ITGAV: variants seen among roughly 807,000 people sequenced by gnomAD.
ITGAV encodes integrin subunit alpha V.
In ITGAV, 76 loss-of-function variants were observed where a neutral mutation model predicts 143.8. The observed-to-expected ratio is 0.53, with a 90% CI of 0.44 to 0.64. ITGAV has a LOEUF of 0.64. ITGAV is among the 30% of genes least tolerant of loss of function. ITGAV has a pLI of 0.00. For synonymous variants in ITGAV, 453 were observed against 446.7 expected (o/e 1.01, Z -0.18); for missense variants, 1,193 against 1,274.7 (o/e 0.94, Z 0.98).
At chr2:186,650,709 T>G (rs965131111) in intron 14 of ITGAV, among the ~76,000 whole-genome samples, 3 of 151,578 alleles carry the variant, frequency 2.0e-5, no homozygotes, top group Non-Finnish European at 4.4e-5. Flanking sequence ...CTACCACACC[T>G]GGCTAATTTT....
chr2:186,624,287 T>A (rs1263477003), intron 3 of ITGAV, among the ~76,000 whole-genome samples: 1 of 152,164 alleles, frequency 6.6e-6, no homozygotes, highest in Admixed American at 6.5e-5. Context: ...ATTATTTACG[T>A]AGTATTTATT....
chr2:186,591,405 A>AG (rs1458096750), intron 1 of ITGAV, among the ~76,000 whole-genome samples: 2 of 152,064 alleles, frequency 1.3e-5, no homozygotes, highest in African/African-American at 4.8e-5. Flanking sequence ...TGTTAGCGTT[A>AG]GGAGTACTGT....
chr2:186,666,708 T>C lies in ITGAV; in HGVS notation c.2171T>C (p.Leu724Ser), dbSNP rs779174100. The C allele has an allele frequency of 6.4e-7, 1 of 1,565,968 alleles. No homozygotes were observed. Among genetic ancestry groups the C allele is most frequent in the South Asian group, 1.2e-5 (1 of 81,686 alleles). Residue 724 changes from leucine to serine, a missense_variant, in exon 22 of 30, where the codon TTA (leucine) becomes TCA (serine). Physicochemically the swap from Leu to Ser is moderately radical, Grantham distance 145. Coordinates refer to ENST00000261023, the MANE Select transcript of ITGAV (RefSeq NM_002210.5). ...ATCTTTTCCTCTCTCCTTTAGCTCT[T>C]AGCTGGTCTTCGTTTCAGTGTGCAC... ...GNPMKAGTQLLAGLRFSVHQQ... is the reference protein window; with the variant it reads ...GNPMKAGTQLSAGLRFSVHQQ...
chr2:186,647,689 A>G (rs1376621621), intron 13 of ITGAV, among the ~76,000 whole-genome samples: 1 of 152,236 alleles, frequency 6.6e-6, no homozygotes, highest in African/African-American at 2.4e-5. Context: ...TGCCCACTGC[A>G]TAGGTCCAGT....
chr2:186,630,089 G>A (rs1687775658), intron 4 of ITGAV, among the ~76,000 whole-genome samples: 1 of 151,944 alleles, frequency 6.6e-6, no homozygotes, highest in Non-Finnish European at 1.5e-5. Context: ...AACGTGGGAG[G>A]ATAGCTTTAT....
chr2:186,646,438 G>C (rs1318556589), intron 12 of ITGAV, among the ~76,000 whole-genome samples: 2 of 152,102 alleles, frequency 1.3e-5, no homozygotes, highest in African/African-American at 4.8e-5. Flanking sequence ...AGTTTTGCTT[G>C]AGTTTCCTTG....
intron 11 of ITGAV, 91 bp downstream of exon 11, chr2:186,641,058 T>C (rs1688089518): frequency 1.0e-6 from 1 of 1,003,428 alleles, no homozygotes; most frequent in Admixed American, 2.3e-5. Context: ...TCTGTTTTTG[T>C]ATTCCTTTTC....
chr2:186,628,826 A>C (rs985339541), intron 4 of ITGAV, among the ~76,000 whole-genome samples: 1 of 152,090 alleles, frequency 6.6e-6, no homozygotes, highest in Non-Finnish European at 1.5e-5. Flanking sequence ...GTCATTACTC[A>C]GGGAATGATA....
chr2:186,595,130 G>A (rs1052383812), intron 1 of ITGAV, among the ~76,000 whole-genome samples: 1 of 152,192 alleles, frequency 6.6e-6, no homozygotes, highest in African/African-American at 2.4e-5. Flanking sequence ...ATAACATTCA[G>A]TACTATTTCA....
At chr2:186,670,521 A>G (rs1689036589) in intron 26 of ITGAV, among the ~76,000 whole-genome samples, 1 of 152,014 alleles carries the variant, frequency 6.6e-6, no homozygotes, top group African/African-American at 2.4e-5. Flanking sequence ...GGCTGGTCTC[A>G]AATTCCTGAG....
At position 186,590,305 on chromosome 2, in the gene ITGAV, G is replaced by C; in HGVS notation, c.-34G>C. ...GCTGGGGCGGGGGGAGGTGGCTACC[G>C]CTCCCGGCTTGGCGTCCCGCGCGCA... On this transcript the variant is annotated 5_prime_UTR_variant, in exon 1 of 30. Coordinates refer to ENST00000261023, the MANE Select transcript of ITGAV (RefSeq NM_002210.5). 6.6e-7 allele frequency: 1 copy of C among 1,511,994 alleles called. No homozygotes were observed. Among genetic ancestry groups the C allele is most frequent in the Non-Finnish European group, 8.8e-7 (1 of 1,132,598 alleles). 93.7% of individuals were successfully genotyped at this position (1,511,994 alleles called of 1,614,324 possible).
At position 186,679,234 on chromosome 2, in the gene ITGAV, A is replaced by G. The variant is rs1689291133; in HGVS notation, c.*1942A>G. ...AGTCATTTCTGAAAATATGTTGGATAGAAAGTCACTCTTTGGCAAAAGTGT... is the reference window on the plus strand; with the variant it reads ...AGTCATTTCTGAAAATATGTTGGATGGAAAGTCACTCTTTGGCAAAAGTGT... On this transcript the variant is annotated 3_prime_UTR_variant, in exon 30 of 30. Transcript: ENST00000261023. The G allele has an allele frequency of 6.6e-6, 1 of 152,064 alleles. No homozygotes were observed. Among genetic ancestry groups the G allele is most frequent in the Non-Finnish European group, 1.5e-5 (1 of 67,922 alleles). The allele number at this position is 152,064 out of a possible 1,614,324, so 9.4% of individuals were successfully genotyped here. A position where few individuals can be genotyped will look rare whatever the true frequency, so the allele number is the denominator to read the frequency against.
At chr2:186,647,531 C>T (rs1046337946) in intron 13 of ITGAV, among the ~76,000 whole-genome samples, 5 of 152,134 alleles carry the variant, frequency 3.3e-5, no homozygotes, top group East Asian at 1.9e-4. Flanking sequence ...CCACCGCACC[C>T]GGCCTTCATT....
In ITGAV at chr2:186,667,184, T is replaced by C; in HGVS notation, c.2281T>C (p.Ser761Pro). 1 of 1,612,738 alleles carries C rather than the reference T, an allele frequency of 6.2e-7. No individual in the cohort carries two copies. Among genetic ancestry groups the C allele is most frequent in the Non-Finnish European group, 8.5e-7 (1 of 1,179,130 alleles). Residue 761 changes from serine to proline, a missense_variant, in exon 23 of 30, where the codon TCT (serine) becomes CCT (proline). Ser to Pro is a moderately conservative substitution (Grantham distance 74, BLOSUM62 -1). Coordinates refer to ENST00000261023, the MANE Select transcript of ITGAV (RefSeq NM_002210.5). ...ATTTGACAAAGTAAGCCCAGTTGTA[T>C]CTCACAAAGTTGATCTTGCTGTTTT... ...NLFDKVSPVVSHKVDLAVLAA... is the reference protein window; with the variant it reads ...NLFDKVSPVVPHKVDLAVLAA...
chr2:186,677,315 C>T lies in ITGAV; in HGVS notation c.*23C>T, dbSNP rs1689242823. 1.3e-6 allele frequency: 2 copies of T among 1,535,864 alleles called. No homozygotes were observed. On this transcript the variant is annotated 3_prime_UTR_variant, in exon 30 of 30. Coordinates refer to ENST00000261023, the MANE Select transcript of ITGAV (RefSeq NM_002210.5). ...TAACTGCAGTTTTTAAGTTATGCTACATCTTGACCCACTAGAATTAGCAAC... is the reference window on the plus strand; with the variant it reads ...TAACTGCAGTTTTTAAGTTATGCTATATCTTGACCCACTAGAATTAGCAAC...
intron 10 of ITGAV, among the ~76,000 whole-genome samples, chr2:186,639,968 AAC>A (rs774487091): frequency 3.3e-4 from 51 of 152,324 alleles, no homozygotes; most frequent in Non-Finnish European, 6.0e-4. Context: ...TTTAATACAG[AAC>A]ACACCTTTCA....
chr2:186,646,240 A>AC (rs1028593353), intron 12 of ITGAV, among the ~76,000 whole-genome samples: 8 of 152,166 alleles, frequency 5.3e-5, no homozygotes, highest in African/African-American at 1.9e-4. Context: ...AAAAAACAAT[A>AC]CCATCCATAA....
intron 1 of ITGAV, among the ~76,000 whole-genome samples, chr2:186,596,452 C>CTT (rs368936394): frequency 1.2e-4 from 16 of 136,374 alleles, no homozygotes; most frequent in Non-Finnish European, 2.2e-4. Context: ...GTATGTGTTG[C>CTT]TTTTTTTTTT....
At chr2:186,598,354 T>C (rs918280141) in intron 1 of ITGAV, among the ~76,000 whole-genome samples, 1 of 150,802 alleles carries the variant, frequency 6.6e-6, no homozygotes, top group Non-Finnish European at 1.5e-5. Flanking sequence ...TAACCAACTC[T>C]GCTCTAGAAA....
Sources: allele counts gnomAD v4.1 joint callset (sites outside exome capture counted in the v4.1 genomes callset), GRCh38; gene constraint gnomAD v4.1.1; transcripts MANE v1.5; gene names NCBI Gene and HGNC (gene_info 2026-07-23, HGNC 2026-07-21).